Variants in LTF observed in about 807,000 individuals in gnomAD.
LTF encodes the protein epididymis luminal protein 110.
In LTF, 91 loss-of-function variants were observed where a neutral mutation model predicts 87.2. That is an observed-to-expected ratio of 1.04 (90% CI 0.88 to 1.24). LTF has a LOEUF of 1.24. Ranked by LOEUF, LTF falls within the 50% of genes most tolerant of loss-of-function variation. LTF has a pLI of 0.00. For synonymous variants in LTF, 378 were observed against 356.1 expected, an observed-to-expected ratio of 1.06 and a Z score of -0.69; for missense variants, 901 against 904.3, an observed-to-expected ratio of 1.00 and a Z score of 0.05.
At chr3:46,461,245 C>T (rs1457480190) in intron 1 of LTF, among the ~76,000 whole-genome samples, 1 of 152,232 alleles carries the variant, frequency 6.6e-6, no homozygotes, top group Non-Finnish European at 1.5e-5. Context: ...AGGTTGGCAG[C>T]TTCTCAAAAT....
chr3:46,455,371 G>A lies in LTF; in HGVS notation c.571C>T (p.Leu191=), dbSNP rs200036445. The part of the protein sequence containing the change: ...DKGQFPNLCR[L]CAGTGENKCA... Reference sequence around the variant, plus strand: ...TTGTTTTCCCCTGTCCCCGCACACAGGCGACACAGGTTGGGGAACTGTCCT... The same window carrying A: ...TTGTTTTCCCCTGTCCCCGCACACAAGCGACACAGGTTGGGGAACTGTCCT... Residue 191 remains leucine, a synonymous_variant, in exon 5 of 17, where the codon CTG becomes TTG. Coordinates refer to ENST00000231751, the MANE Select transcript of LTF (RefSeq NM_002343.6). 4.8e-5 allele frequency: 77 copies of A among 1,614,110 alleles called. No homozygotes were observed. The highest frequency in any genetic ancestry group is 5.3e-5 in the Non-Finnish European group (63 of 1,180,030).
chr3:46,482,693 AAGGAAGGAAG>A (rs1168243731), intron 1 of LTF, among the ~76,000 whole-genome samples: 93 of 126,504 alleles, frequency 7.4e-4, no homozygotes, highest in Middle Eastern at 7.2e-3. Context: ...GGAAGGAAGG[AAGGAAGGAAG>A]GAAAGAAAGA....
In LTF at chr3:46,455,927, A is replaced by T; in HGVS notation, c.368T>A (p.Phe123Tyr). The T allele has an allele frequency of 6.2e-7, 1 of 1,612,386 alleles. No homozygotes were observed. The highest frequency in any genetic ancestry group is 1.1e-5 in the South Asian group (1 of 90,814). The change falls in exon 4 of 17, where the codon TTT (phenylalanine) becomes TAT (tyrosine). Residue 123 changes from phenylalanine to tyrosine, a missense_variant. Physicochemically the swap from Phe to Tyr is conservative, Grantham distance 22 (BLOSUM62 3). Coordinates refer to ENST00000231751, the MANE Select transcript of LTF (RefSeq NM_002343.6). Reference sequence around the variant, plus strand: ...CAGACCTTGCAGTTCGTTCAGCTGAAAGCTGCCGCCCTTCTTCACCACAGC... The same window carrying T: ...CAGACCTTGCAGTTCGTTCAGCTGATAGCTGCCGCCCTTCTTCACCACAGC... ...AVAVVKKGGS[F>Y]QLNELQGLKS...
intron 7 of LTF, 47 bp from the exon 8 acceptor site, chr3:46,450,075 G>T: frequency 7.0e-7 from 1 of 1,425,484 alleles, no homozygotes; most frequent in East Asian, 2.3e-5. Context: ...AAATAGGGAG[G>T]AAACAAAAAA....
At chr3:46,472,527 T>TGTGTGTGTGTGTGTGA (rs1402389714) in intron 1 of LTF, among the ~76,000 whole-genome samples, 1 of 130,728 alleles carries the variant, frequency 7.6e-6, no homozygotes, top group East Asian at 2.3e-4. Flanking sequence ...TGTGTGTGTG[T>TGTGTGTGTGTGTGTGA]GAGAGAGAGA....
intron 1 of LTF, among the ~76,000 whole-genome samples, chr3:46,474,582 A>G (rs1432921325): frequency 6.6e-6 from 1 of 152,222 alleles, no homozygotes; most frequent in East Asian, 1.9e-4. Flanking sequence ...AGAATTCAAC[A>G]ACACCATCAA....
chr3:46,472,963 A>G (rs1703313724), intron 1 of LTF, among the ~76,000 whole-genome samples: 1 of 152,048 alleles, frequency 6.6e-6, no homozygotes, highest in Non-Finnish European at 1.5e-5. Flanking sequence ...AGGTCAATAC[A>G]TGTGTGTCCT....
intron 2 of LTF, chr3:46,470,271 G>C (rs926755241): frequency 3.9e-5 from 6 of 152,376 alleles, no homozygotes; most frequent in African/African-American, 1.4e-4. Context: ...GGCCTGGAGG[G>C]AGCATGTGTG....
At chr3:46,452,321 A>C (rs1702822488) in intron 6 of LTF, among the ~76,000 whole-genome samples, 1 of 152,246 alleles carries the variant, frequency 6.6e-6, no homozygotes, top group Non-Finnish European at 1.5e-5. Context: ...CATCAGACCC[A>C]CAAAGGAAAA....
chr3:46,445,523 C>A, intron 11 of LTF, 87 bp from the exon 12 acceptor site: 2 of 1,179,778 alleles, frequency 1.7e-6, no homozygotes, highest in Non-Finnish European at 2.4e-6. Context: ...CAGCCCAGGC[C>A]AAAACAGGCC....
chr3:46,472,124 C>T (rs2106918513), intron 1 of LTF, among the ~76,000 whole-genome samples: 2 of 152,232 alleles, frequency 1.3e-5, no homozygotes, highest in Middle Eastern at 3.4e-3. Context: ...AGATTCTACC[C>T]TCCCCATTTC....
intron 2 of LTF, among the ~76,000 whole-genome samples, chr3:46,456,974 A>G (rs4683230): frequency 0.13 from 19,710 of 152,142 alleles, 1,566 homozygotes; most frequent in Admixed American, 0.21. Context: ...ACCTCTGATC[A>G]TCAGGCATTG....
At chr3:46,464,682 C>A in intron 1 of LTF, 143 bp downstream of exon 1, 2 of 826,384 alleles carry the variant, frequency 2.4e-6, no homozygotes, top group African/African-American at 1.7e-5. Flanking sequence ...CGCGTCCGGG[C>A]CGCCTCCCGG....
At chr3:46,471,531 C>T (rs1278759036) in intron 1 of LTF, among the ~76,000 whole-genome samples, 1 of 152,230 alleles carries the variant, frequency 6.6e-6, no homozygotes, top group East Asian at 1.9e-4. Flanking sequence ...CAGGGTCCAC[C>T]TCCAGGCTTG....
upstream of LTF, chr3:46,465,036 C>T (rs1414360948): frequency 2.9e-6 from 2 of 695,180 alleles, no homozygotes; most frequent in Admixed American, 2.8e-5. Flanking sequence ...CTCCGAAAAG[C>T]CCTGAGGCAG....
intron 1 of LTF, among the ~76,000 whole-genome samples, chr3:46,482,636 GAAAGAAAGAAAGAAAGAAAGAAA>G: frequency 1.2e-5 from 1 of 83,308 alleles, no homozygotes; most frequent in African/African-American, 4.6e-5. Context: ...AAGAAAGAAA[GAAAGAAAGAAAGAAAGAAAGAAA>G]GAAGGAAGGA....
chr3:46,473,315 T>A (rs1299360156), intron 1 of LTF, among the ~76,000 whole-genome samples: 1 of 152,206 alleles, frequency 6.6e-6, no homozygotes, highest in Non-Finnish European at 1.5e-5. Flanking sequence ...TTTATTCTAC[T>A]CTACTCTGGC....
intron 1 of LTF, among the ~76,000 whole-genome samples, chr3:46,463,199 A>G (rs1018274059): frequency 5.9e-5 from 9 of 152,176 alleles, no homozygotes; most frequent in African/African-American, 2.2e-4. Context: ...TGCCCACTGG[A>G]CCTGGCTGGA....
chr3:46,468,100 G>A (rs988939782), upstream of LTF, among the ~76,000 whole-genome samples: 2 of 152,082 alleles, frequency 1.3e-5, no homozygotes, highest in Admixed American at 1.3e-4. Flanking sequence ...GATCAATATC[G>A]GTTGAAGGAA....
Sources: gnomAD v4.1 joint callset for allele counts (sites outside exome capture counted in the v4.1 genomes callset) on GRCh38, gnomAD v4.1.1 for gene constraint, MANE v1.5 for transcripts, NCBI Gene and HGNC (gene_info 2026-07-23, HGNC 2026-07-21) for gene names.